Variants in SOX6 observed in about 807,000 individuals in gnomAD.
The protein encoded by SOX6 is SRY-box transcription factor 6, also known as transcription factor SOX-6.
Under a neutral mutation model 97.8 loss-of-function variants are expected in SOX6, and 11 were observed. The ratio of observed to expected loss-of-function variants is 0.11; its 90% CI spans 0.07 to 0.19. The LOEUF (loss-of-function observed/expected upper bound fraction) is 0.19. Among genes scored for constraint, SOX6 ranks in the 10% least tolerant of loss-of-function variants. The pLI is 1.00. For missense variants in SOX6, 810 were observed against 1,039.5 expected (o/e 0.78, Z 3.04); for synonymous variants, 360 against 371.4 (o/e 0.97, Z 0.35).
chr11:16,672,988 T>C lies in SOX6; in HGVS notation n.429+41842A>G, dbSNP rs113097810. ...AACAAGAAGATCTAACTATCCTAAA[T>C]ATATACACAGCAGGCGGAGGTTGCA... On this transcript the variant is annotated intron_variant and non_coding_transcript_variant, in intron 3 of 5. Transcript: ENST00000524520. 3.7e-3 allele frequency among the ~76,000 whole-genome samples: 561 copies of C among 152,208 alleles called. 3 individuals are homozygous for C. Among genetic ancestry groups the C allele is most frequent in the Middle Eastern group, 6.8e-3 (2 of 294 alleles).
At chr11:16,668,689 G>A (rs1293428026) in intron 3 of SOX6, among the ~76,000 whole-genome samples, 1 of 152,040 alleles carries the variant, frequency 6.6e-6, no homozygotes, top group Non-Finnish European at 1.5e-5. Flanking sequence ...AACACACATA[G>A]ACTGAAAATC....
At chr11:16,062,165 C>T (rs1242920733) in intron 9 of SOX6, among the ~76,000 whole-genome samples, 1 of 151,468 alleles carries the variant, frequency 6.6e-6, no homozygotes, top group Non-Finnish European at 1.5e-5. Flanking sequence ...ACAAATTATA[C>T]TGTTTGAGCC....
intron 6 of SOX6, among the ~76,000 whole-genome samples, chr11:16,152,328 A>G (rs566596820): frequency 6.6e-6 from 1 of 152,172 alleles, no homozygotes; most frequent in African/African-American, 2.4e-5. Context: ...GGCGTGTTTG[A>G]CCCCACCCAC....
chr11:16,436,586 T>C (rs1446692357), intron 1 of SOX6, among the ~76,000 whole-genome samples: 1 of 152,196 alleles, frequency 6.6e-6, no homozygotes, highest in Non-Finnish European at 1.5e-5. Flanking sequence ...TTTTAAGTCC[T>C]GGCTCTGTCA....
chr11:16,034,973 A>G (rs1459782759), intron 12 of SOX6, among the ~76,000 whole-genome samples: 1 of 152,228 alleles, frequency 6.6e-6, no homozygotes, highest in Admixed American at 6.5e-5. Context: ...AAACAGACCT[A>G]TGGAAAAACA....
intron 4 of SOX6, among the ~76,000 whole-genome samples, chr11:16,530,978 T>C (rs772836697): frequency 5.4e-5 from 8 of 147,652 alleles, no homozygotes; most frequent in Non-Finnish European, 1.2e-4. Context: ...TAAATATATA[T>C]AAATATATAT....
chr11:16,556,038 A>G (rs2133188254), intron 4 of SOX6, among the ~76,000 whole-genome samples: 1 of 151,832 alleles, frequency 6.6e-6, no homozygotes, highest in African/African-American at 2.4e-5. Context: ...CTTACACAAA[A>G]GAATACCATA....
intron 4 of SOX6, among the ~76,000 whole-genome samples, chr11:16,496,577 A>G (rs1304868711): frequency 6.6e-6 from 1 of 152,200 alleles, no homozygotes; most frequent in Non-Finnish European, 1.5e-5. Context: ...AGTCAAAGAA[A>G]GGGGTGACAG....
At chr11:16,101,394 T>C (rs1214054740) in intron 7 of SOX6, among the ~76,000 whole-genome samples, 2 of 151,672 alleles carry the variant, frequency 1.3e-5, no homozygotes, top group Non-Finnish European at 3.0e-5. Context: ...ATCACTATGT[T>C]GTTATTTCTC....
chr11:16,470,476 T>A (rs1860121511), intron 1 of SOX6, among the ~76,000 whole-genome samples: 1 of 152,050 alleles, frequency 6.6e-6, no homozygotes, highest in Non-Finnish European at 1.5e-5. Context: ...ATTCAAAAAA[T>A]TTCAGCTGAA....
At chr11:16,649,757 T>C (rs1045063532) in intron 3 of SOX6, among the ~76,000 whole-genome samples, 2 of 151,608 alleles carry the variant, frequency 1.3e-5, no homozygotes, top group African/African-American at 4.8e-5. Flanking sequence ...ACGTGATGAA[T>C]AGAACAGTAC....
intron 7 of SOX6, among the ~76,000 whole-genome samples, chr11:16,110,625 A>G (rs922397345): frequency 6.6e-6 from 1 of 152,164 alleles, no homozygotes; most frequent in Non-Finnish European, 1.5e-5. Context: ...TAAACTCACC[A>G]ATCTCATAAC....
chr11:16,449,154 T>TAG (rs1241556467), intron 1 of SOX6, among the ~76,000 whole-genome samples: 1 of 151,992 alleles, frequency 6.6e-6, no homozygotes, highest in Non-Finnish European at 1.5e-5. Context: ...CATAGGGTGG[T>TAG]AGAGTAAGTA....
intron 3 of SOX6, chr11:16,316,959 C>A (rs945606958): frequency 6.6e-6 from 1 of 151,870 alleles, no homozygotes; most frequent in African/African-American, 2.4e-5. Context: ...AAATACAGTC[C>A]AGAATTTCCT....
intron 3 of SOX6, among the ~76,000 whole-genome samples, chr11:16,691,980 G>A (rs534934958): frequency 2.0e-5 from 3 of 151,974 alleles, no homozygotes; most frequent in East Asian, 1.9e-4. Flanking sequence ...TAGGTTGTCC[G>A]TCTCTCTTTA....
At chr11:16,128,998 T>C (rs890474815) in intron 6 of SOX6, among the ~76,000 whole-genome samples, 2 of 151,616 alleles carry the variant, frequency 1.3e-5, no homozygotes, top group African/African-American at 4.8e-5. Context: ...GTAGCTGGGA[T>C]TATAGGCATG....
intron 3 of SOX6, among the ~76,000 whole-genome samples, chr11:16,638,874 G>A (rs1356969776): frequency 1.3e-5 from 2 of 152,140 alleles, no homozygotes; most frequent in Non-Finnish European, 2.9e-5. Flanking sequence ...TAGGTTACCT[G>A]TTCACTCTGA....
chr11:16,261,729 G>T (rs1284454393), intron 3 of SOX6, among the ~76,000 whole-genome samples: 1 of 151,984 alleles, frequency 6.6e-6, no homozygotes, highest in Non-Finnish European at 1.5e-5. Flanking sequence ...ATTTCTGTCA[G>T]AGTTAAGGTG....
chr11:16,064,270 G>T (rs1848037506), intron 9 of SOX6, among the ~76,000 whole-genome samples: 1 of 151,358 alleles, frequency 6.6e-6, no homozygotes, highest in South Asian at 2.1e-4. Context: ...AATTGAGGGG[G>T]GCTTTAAATT....
Sources: allele counts gnomAD v4.1 joint callset (sites outside exome capture counted in the v4.1 genomes callset), GRCh38; gene constraint gnomAD v4.1.1; transcripts MANE v1.5; gene names NCBI Gene and HGNC (gene_info 2026-07-23, HGNC 2026-07-21).